Variants in SPRYD7 observed in about 807,000 individuals in gnomAD.
The protein encoded by SPRYD7 is SPRY domain containing 7.
SPRYD7 carries 14 observed loss-of-function variants against 23.8 expected under a neutral mutation model. That is an observed-to-expected ratio of 0.59 (90% CI 0.39 to 0.92). The LOEUF (loss-of-function observed/expected upper bound fraction) is 0.92, where lower values mean the gene tolerates loss of function less well. Among genes scored for constraint, SPRYD7 ranks in the 40% least tolerant of loss-of-function variants. The probability of loss-of-function intolerance (pLI) is 0.00; values close to 1 mark genes in which losing one functional copy is unlikely to be tolerated. For synonymous variants in SPRYD7, 75 were observed against 84.9 expected (o/e 0.88, Z 0.64); for missense variants, 194 against 241.7 (o/e 0.80, Z 1.31).
intron 3 of SPRYD7, among the ~76,000 whole-genome samples, chr13:49,924,013 G>A (rs1050996780): frequency 2.0e-5 from 3 of 146,746 alleles, no homozygotes; most frequent in South Asian, 4.3e-4. Context: ...GCAGAGTTTC[G>A]TTCTTGTCGC....
At position 49,936,279 on chromosome 13, in the gene SPRYD7, G is replaced by A; in HGVS notation, c.-44C>T. The A allele has an allele frequency of 7.0e-7, 1 of 1,420,296 alleles. No individual in the cohort carries two copies. Among genetic ancestry groups the A allele is most frequent in the Non-Finnish European group, 9.6e-7 (1 of 1,038,352 alleles). The allele number at this position is 1,420,296 out of a possible 1,614,324, so 88.0% of individuals were successfully genotyped here. On this transcript the variant is annotated 5_prime_UTR_variant, in exon 1 of 5. Transcript: ENST00000361840. ...TCCGCCGCCGTCCCTAGACCGAGGC[G>A]ACACTGCCCCCCGCCGCTCAGCTCC...
At chr13:49,926,868 C>T (rs1432702283) in intron 3 of SPRYD7, among the ~76,000 whole-genome samples, 2 of 152,108 alleles carry the variant, frequency 1.3e-5, no homozygotes, top group Non-Finnish European at 2.9e-5. Context: ...TGTTCTAAAT[C>T]AATGGCCTGA....
At position 49,914,843 on chromosome 13, in the gene SPRYD7, A is replaced by C. The variant is rs1955734691; in HGVS notation, c.*220T>G. On this transcript the variant is annotated 3_prime_UTR_variant, in exon 5 of 5. Transcript: ENST00000361840. ...ACCCATAATTCTATTTATTTAAATA[A>C]GAATTAAATAAACTGCCCAAATGCT... is the stretch of plus-strand genomic sequence containing the variant. 1 of 250,072 alleles carries C rather than the reference A, an allele frequency of 4.0e-6. No homozygotes were observed. Among genetic ancestry groups the C allele is most frequent in the Non-Finnish European group, 7.9e-6 (1 of 126,002 alleles). 15.5% of individuals were successfully genotyped at this position (250,072 alleles called of 1,614,324 possible).
intron 4 of SPRYD7, among the ~76,000 whole-genome samples, chr13:49,919,513 C>T (rs1228873263): frequency 1.3e-5 from 2 of 151,992 alleles, no homozygotes; most frequent in East Asian, 1.9e-4. Flanking sequence ...CACTGCACTC[C>T]AGTCTGGCGA....
At chr13:49,915,244 T>C (rs1238732607) in intron 4 of SPRYD7, 84 bp from the exon 5 acceptor site, 3 of 587,458 alleles carry the variant, frequency 5.1e-6, no homozygotes, top group South Asian at 2.8e-5. Context: ...TAAAATAAAC[T>C]GTCTCCATAA....
intron 1 of SPRYD7, among the ~76,000 whole-genome samples, 200 bp from the exon 2 acceptor site, chr13:49,931,334 C>G (rs1401122192): frequency 6.6e-6 from 1 of 152,156 alleles, no homozygotes; most frequent in Non-Finnish European, 1.5e-5. Context: ...TGTGCACCAC[C>G]ACACCTGGCT....
chr13:49,935,648 C>A (rs9562941), intron 1 of SPRYD7: 12,716 of 152,248 alleles, frequency 0.084, 1,368 homozygotes, highest in East Asian at 0.53. Context: ...CTGCAGTCTG[C>A]CTTGTTTCGA....
At chr13:49,936,100 CG>C (rs779617061) in intron 1 of SPRYD7, 29 bp downstream of exon 1, 8 of 1,526,072 alleles carry the variant, frequency 5.2e-6, no homozygotes, top group Non-Finnish European at 7.1e-6. Flanking sequence ...CCCCGTGAGC[CG>C]TTGGGTCTGG....
chr13:49,927,220 C>T (rs1034532259), intron 3 of SPRYD7, among the ~76,000 whole-genome samples: 2 of 152,016 alleles, frequency 1.3e-5, no homozygotes, highest in Non-Finnish European at 2.9e-5. Context: ...TGTGGCTAGG[C>T]GCGGTGGCTC....
At chr13:49,928,845 T>C (rs1368843983) in intron 2 of SPRYD7, among the ~76,000 whole-genome samples, 1 of 152,184 alleles carries the variant, frequency 6.6e-6, no homozygotes, top group Non-Finnish European at 1.5e-5. Context: ...TTTCAAGCTC[T>C]CCCTTTGAAA....
chr13:49,919,475 C>T (rs1422726700), intron 4 of SPRYD7, among the ~76,000 whole-genome samples: 5 of 152,016 alleles, frequency 3.3e-5, no homozygotes, highest in South Asian at 4.2e-4. Flanking sequence ...ACCTGGGAGG[C>T]GGAGGTTTCA....
chr13:49,921,579 C>T lies in SPRYD7; in HGVS notation c.392G>A (p.Gly131Asp), dbSNP rs1955821662. Reference protein sequence around the residue: ...NSLPQEGDVVGITYDHVELNV... With the variant: ...NSLPQEGDVVDITYDHVELNV... The stretch of plus-strand genomic sequence containing the variant: ...TAATTCGACATGGTCATAAGTAATA[C>T]CCTAGGAAGGAAAAAACAGAAACGT... The change falls in exon 4 of 5, where the codon GGT becomes GAT. Residue 131 changes from glycine (G) to aspartate (D), a missense_variant and splice_region_variant. Transcript: ENST00000361840. The T allele has an allele frequency of 6.3e-7, 1 of 1,585,754 alleles. No homozygotes were observed. The highest frequency in any genetic ancestry group is 8.7e-7 in the Non-Finnish European group (1 of 1,155,036).
chr13:49,923,114 A>T (rs908749795), intron 3 of SPRYD7, among the ~76,000 whole-genome samples: 10 of 152,162 alleles, frequency 6.6e-5, no homozygotes, highest in African/African-American at 2.4e-4. Flanking sequence ...AAAAACAAAA[A>T]CTTAATTACA....
In SPRYD7 at chr13:49,928,100, G is replaced by A. The variant is rs1449668788; in HGVS notation, c.224-15C>T. 2 of 1,606,170 alleles carry A rather than the reference G, an allele frequency of 1.2e-6. No individual in the cohort carries two copies. Among genetic ancestry groups the A allele is most frequent in the Admixed American group, 1.7e-5 (1 of 58,536 alleles). On this transcript the variant is annotated splice_polypyrimidine_tract_variant and intron_variant, in intron 2 of 4. Transcript: ENST00000361840. ...ACCCCAGATTCCTAAAAATATAACA[G>A]TTTAAATGCCCTCAAAATCTGAAGA... is the stretch of plus-strand genomic sequence containing the variant.
At chr13:49,934,847 G>C (rs1188781382) in intron 1 of SPRYD7, among the ~76,000 whole-genome samples, 1 of 152,170 alleles carries the variant, frequency 6.6e-6, no homozygotes, top group Non-Finnish European at 1.5e-5. Flanking sequence ...ATGTATGGTT[G>C]TCCTTCACTA....
intron 3 of SPRYD7, among the ~76,000 whole-genome samples, chr13:49,925,885 C>T (rs1371385619): frequency 1.3e-5 from 2 of 151,704 alleles, no homozygotes; most frequent in East Asian, 1.9e-4. Flanking sequence ...TGTAGCAGGC[C>T]GTGCTGTACT....
chr13:49,927,877 T>G, intron 3 of SPRYD7, 42 bp downstream of exon 3: 1 of 1,604,816 alleles, frequency 6.2e-7, no homozygotes, highest in East Asian at 2.2e-5. Context: ...CAGTTCAAAT[T>G]TAGTCATTTA....
intron 3 of SPRYD7, among the ~76,000 whole-genome samples, chr13:49,925,949 C>A (rs190111517): frequency 7.3e-4 from 111 of 152,204 alleles, no homozygotes; most frequent in African/African-American, 2.6e-3. Flanking sequence ...ATGTTCACAG[C>A]TTATTTTTCT....
rs1207553867 is a variant in SPRYD7, at chr13:49,913,456, C to T, written c.*1607G>A. On this transcript the variant is annotated 3_prime_UTR_variant, in exon 5 of 5. Coordinates refer to ENST00000361840, the MANE Select transcript of SPRYD7 (RefSeq NM_020456.4). ...GAGAAAAAAAAAAAAAGAAAGAAAA[C>T]CACTTTCCCTGATACTTTACCATCC... 1 of 150,874 alleles carries T rather than the reference C, an allele frequency of 6.6e-6. No individual in the cohort carries two copies. The highest frequency in any genetic ancestry group is 2.4e-5 in the African/African-American group (1 of 40,988). 9.3% of individuals were successfully genotyped at this position (150,874 alleles called of 1,614,324 possible). A position where few individuals can be genotyped will look rare whatever the true frequency, so the allele number is the denominator to read the frequency against.
Sources: gnomAD v4.1 joint callset for allele counts (sites outside exome capture counted in the v4.1 genomes callset) on GRCh38, gnomAD v4.1.1 for gene constraint, MANE v1.5 for transcripts, NCBI Gene and HGNC (gene_info 2026-07-23, HGNC 2026-07-21) for gene names.